The following HNMT variants were observed in gnomAD, a reference collection of about 807,000 sequenced individuals.
HNMT encodes histamine N-methyltransferase.
Under a neutral mutation model 32.1 loss-of-function variants are expected in HNMT, and 30 were observed. The ratio of observed to expected loss-of-function variants is 0.93; its 90% CI spans 0.70 to 1.27. The LOEUF (loss-of-function observed/expected upper bound fraction) is 1.27, where lower values mean the gene tolerates loss of function less well. Ranked by LOEUF, HNMT falls within the 50% of genes most tolerant of loss-of-function variation. The pLI is 0.00. For synonymous variants in HNMT, 125 were observed against 119.0 expected, an observed-to-expected ratio of 1.05 and a Z score of -0.33; for missense variants, 327 against 346.0, an observed-to-expected ratio of 0.95 and a Z score of 0.43.
At position 138,012,935 on chromosome 2, in the gene HNMT, G is replaced by C. The variant is rs180727657; in HGVS notation, c.524-840G>C. ...CCCAGGTGATTACAGTAGCCTTCTC[G>C]CTGTTCTCCCCACCTCTGCCCTTAT... On this transcript the variant is annotated intron_variant, in intron 5 of 5. Transcript: ENST00000280097. Among the ~76,000 whole-genome samples the C allele has an allele frequency of 2.0e-5, 3 of 151,718 alleles. No homozygotes were observed. The East Asian group carries it at 5.8e-4, about 29-fold the overall frequency.
rs935080183 is a variant in HNMT, at chr2:138,002,373, T to C, written c.429+179T>C. On this transcript the variant is annotated intron_variant, in intron 4 of 5. Coordinates refer to ENST00000280097, the MANE Select transcript of HNMT (RefSeq NM_006895.3). ...AGATGTTTATTATACTAAGATTCTC[T>C]TTAACATTCCAAAAACCAGTTTTCT... is the stretch of plus-strand genomic sequence containing the variant. 2.9e-6 allele frequency: 3 copies of C among 1,033,266 alleles called. No individual in the cohort carries two copies. In the African/African-American group the frequency reaches 5.0e-5, roughly 17 times the overall value. 64.0% of individuals were successfully genotyped at this position (1,033,266 alleles called of 1,614,324 possible).
intron 4 of HNMT, among the ~76,000 whole-genome samples, chr2:138,004,258 C>T (rs556270473): frequency 6.6e-6 from 1 of 152,066 alleles, no homozygotes; most frequent in South Asian, 2.1e-4. Context: ...GGAGTGTGGC[C>T]CCTAAGGCAC....
At chr2:137,970,372 C>G (rs1680084657) in intron 2 of HNMT, among the ~76,000 whole-genome samples, 155 bp downstream of exon 2, 1 of 151,818 alleles carries the variant, frequency 6.6e-6, no homozygotes, top group South Asian at 2.1e-4. Flanking sequence ...AACATTAATG[C>G]CCCCATAGAT....
At chr2:138,005,983 G>A (rs3115763) in intron 5 of HNMT, among the ~76,000 whole-genome samples, 150,088 of 152,060 alleles carry the variant, frequency 0.99, 74,099 homozygotes, top group Middle Eastern at 1. Flanking sequence ...CTTTAACACC[G>A]TATGTCACAA....
At chr2:138,006,335 A>G (rs1459858490) in intron 5 of HNMT, among the ~76,000 whole-genome samples, 1 of 152,004 alleles carries the variant, frequency 6.6e-6, no homozygotes, top group Admixed American at 6.6e-5. Context: ...GATTATATTC[A>G]TCAATCATAC....
intron 2 of HNMT, among the ~76,000 whole-genome samples, chr2:137,976,290 A>G (rs1472958620): frequency 6.6e-6 from 1 of 151,888 alleles, no homozygotes; most frequent in African/African-American, 2.4e-5. Flanking sequence ...CAAAAAAAAA[A>G]AAACCTGTCT....
At chr2:137,992,702 G>A (rs1175472351) in intron 2 of HNMT, among the ~76,000 whole-genome samples, 3 of 152,170 alleles carry the variant, frequency 2.0e-5, no homozygotes, top group East Asian at 1.9e-4. Flanking sequence ...GTGTTAAACA[G>A]GTTCTGTTCC....
chr2:138,007,640 G>A (rs796803040), intron 5 of HNMT, among the ~76,000 whole-genome samples: 1 of 151,976 alleles, frequency 6.6e-6, no homozygotes, highest in Non-Finnish European at 1.5e-5. Context: ...GCCATCCACT[G>A]TGTGCTCCAA....
At chr2:137,989,133 T>C (rs937006735) in intron 2 of HNMT, among the ~76,000 whole-genome samples, 17 of 152,164 alleles carry the variant, frequency 1.1e-4, no homozygotes, top group African/African-American at 4.1e-4. Context: ...TGGTGTTGTA[T>C]TCCACGGGTT....
chr2:137,994,818 C>G (rs1251951182), intron 2 of HNMT, among the ~76,000 whole-genome samples: 3 of 152,160 alleles, frequency 2.0e-5, no homozygotes, highest in Admixed American at 1.3e-4. Flanking sequence ...ATAACAGTCT[C>G]TCAGACCACA....
chr2:137,979,309 C>T lies in HNMT; in HGVS notation c.190+9092C>T, dbSNP rs186179970. Among the ~76,000 whole-genome samples the T allele has an allele frequency of 7.9e-5, 12 of 151,546 alleles. No individual in the cohort carries two copies. The East Asian group carries it at 1.5e-3, about 20-fold the overall frequency. On this transcript the variant is annotated intron_variant, in intron 2 of 5. Transcript: ENST00000280097. ...ATTTTGAGACGGAGTCTTGCTCTGT[C>T]GCCCAGGCTGGAGTGCAGTGGTGTG...
At chr2:138,013,017 G>A (rs2104993660) in intron 5 of HNMT, among the ~76,000 whole-genome samples, 1 of 152,060 alleles carries the variant, frequency 6.6e-6, no homozygotes, top group South Asian at 2.1e-4. Context: ...AATGTATATT[G>A]AGTCATTCTA....
intron 2 of HNMT, among the ~76,000 whole-genome samples, chr2:137,978,288 ACAGTT>A (rs1680347800): frequency 6.7e-6 from 1 of 148,316 alleles, no homozygotes; most frequent in African/African-American, 2.5e-5. Flanking sequence ...TAACTATACT[ACAGTT>A]ATGTATGTAT....
chr2:137,985,859 GAGAA>G (rs1680636235), intron 2 of HNMT, among the ~76,000 whole-genome samples: 1 of 152,068 alleles, frequency 6.6e-6, no homozygotes, highest in Non-Finnish European at 1.5e-5. Flanking sequence ...CAGGATGTAA[GAGAA>G]CAACTTGCAT....
Sources: allele counts gnomAD v4.1 joint callset (sites outside exome capture counted in the v4.1 genomes callset), GRCh38; gene constraint gnomAD v4.1.1; transcripts MANE v1.5; gene names NCBI Gene and HGNC (gene_info 2026-07-23, HGNC 2026-07-21).